Variants in TENM2 observed in about 807,000 individuals in gnomAD.
TENM2 encodes the protein teneurin-2.
Under a neutral mutation model 245.2 loss-of-function variants are expected in TENM2, and 52 were observed. The ratio of observed to expected loss-of-function variants is 0.21; its 90% CI spans 0.17 to 0.27. TENM2 has a LOEUF of 0.27. Among genes scored for constraint, TENM2 ranks in the 10% least tolerant of loss-of-function variants. The pLI, the probability that TENM2 is intolerant of heterozygous loss-of-function variation, is 1.00. For synonymous variants in TENM2, 1,363 were observed against 1,438.9 expected (o/e 0.95, Z 1.19); for missense variants, 3,046 against 3,666.8 (o/e 0.83, Z 4.37).
intron 2 of TENM2, among the ~76,000 whole-genome samples, chr5:167,688,685 G>T (rs1369589067): frequency 1.3e-5 from 2 of 152,174 alleles, no homozygotes; most frequent in African/African-American, 4.8e-5. Context: ...ATAAAATATT[G>T]CATTTTCTGT....
intron 1 of TENM2, among the ~76,000 whole-genome samples, chr5:167,355,237 T>C (rs1311940731): frequency 6.6e-6 from 1 of 152,106 alleles, no homozygotes; most frequent in Non-Finnish European, 1.5e-5. Context: ...GCAACTATTC[T>C]TGGGGAGACT....
intron 2 of TENM2, among the ~76,000 whole-genome samples, chr5:167,417,719 T>G (rs2127416648): frequency 6.6e-6 from 1 of 152,202 alleles, no homozygotes. Flanking sequence ...CCCACCAAAG[T>G]GAAGGTGTAA....
chr5:167,788,711 G>A (rs577639134), intron 2 of TENM2, among the ~76,000 whole-genome samples: 2 of 152,230 alleles, frequency 1.3e-5, no homozygotes, highest in African/African-American at 2.4e-5. Flanking sequence ...TGTCTCTCAC[G>A]CTCACTATGG....
chr5:167,223,591 A>T, the TENM2 span, among the ~76,000 whole-genome samples: 1 of 151,886 alleles, frequency 6.6e-6, no homozygotes, highest in Non-Finnish European at 1.5e-5. Context: ...CTATTTATCC[A>T]CTTATGGATA....
intron 2 of TENM2, among the ~76,000 whole-genome samples, chr5:167,839,912 G>A (rs886744192): frequency 1.1e-4 from 16 of 152,162 alleles, no homozygotes; most frequent in African/African-American, 2.9e-4. Flanking sequence ...CCGCCTCCCG[G>A]GTTCAAGCAA....
chr5:167,819,399 A>T (rs1036802979), intron 2 of TENM2, among the ~76,000 whole-genome samples: 8 of 152,340 alleles, frequency 5.3e-5, no homozygotes, highest in Non-Finnish European at 2.9e-5. Context: ...TGTTGAGAGA[A>T]GCAGGTGGCT....
chr5:167,457,993 A>AT (rs1228413832), intron 2 of TENM2, among the ~76,000 whole-genome samples: 4 of 151,652 alleles, frequency 2.6e-5, no homozygotes, highest in Non-Finnish European at 2.9e-5. Context: ...AGGCAACTTG[A>AT]TTTTTTTTTA....
the TENM2 span, among the ~76,000 whole-genome samples, chr5:167,107,095 A>C: frequency 1.4e-5 from 2 of 142,550 alleles, no homozygotes; most frequent in African/African-American, 3.0e-5. Context: ...AAAATACAAA[A>C]AAAAAAAAAA....
chr5:167,129,823 A>G, the TENM2 span, among the ~76,000 whole-genome samples: 1 of 152,186 alleles, frequency 6.6e-6, no homozygotes, highest in Non-Finnish European at 1.5e-5. Flanking sequence ...TAAGAAAAAA[A>G]TGACCACTCC....
At chr5:167,922,858 G>A (rs1179997998) in intron 3 of TENM2, among the ~76,000 whole-genome samples, 1 of 152,122 alleles carries the variant, frequency 6.6e-6, no homozygotes, top group African/African-American at 2.4e-5. Flanking sequence ...CTTGTTTATT[G>A]CTCCTCCTAG....
intron 12 of TENM2, among the ~76,000 whole-genome samples, chr5:168,154,146 T>TAAAAAAAAAAA (rs1562223601): frequency 1.3e-5 from 1 of 75,752 alleles, no homozygotes; most frequent in African/African-American, 6.0e-5. Context: ...ATCACCTACT[T>TAAAAAAAAAAA]TAAAAAAAAA....
intron 7 of TENM2, among the ~76,000 whole-genome samples, chr5:168,089,394 G>C (rs1162261551): frequency 6.6e-6 from 1 of 151,974 alleles, no homozygotes; most frequent in Non-Finnish European, 1.5e-5. Flanking sequence ...CATCACATCA[G>C]TCACTGCTCA....
intron 4 of TENM2, among the ~76,000 whole-genome samples, chr5:167,975,828 G>C (rs1007924393): frequency 1.0e-4 from 15 of 150,522 alleles, no homozygotes; most frequent in African/African-American, 3.7e-4. Flanking sequence ...TTTATTTGAG[G>C]GTTAAAAAAA....
At chr5:167,258,387 T>A in the TENM2 span, among the ~76,000 whole-genome samples, 1 of 152,148 alleles carries the variant, frequency 6.6e-6, no homozygotes, top group African/African-American at 2.4e-5. Context: ...TGGCTACTGA[T>A]GTCAGTCAGC....
At chr5:167,389,197 T>C (rs1761615595) in intron 2 of TENM2, among the ~76,000 whole-genome samples, 1 of 151,134 alleles carries the variant, frequency 6.6e-6, no homozygotes, top group South Asian at 2.1e-4. Context: ...GTATTAACTA[T>C]ATAACATAGA....
chr5:167,202,700 T>C, the TENM2 span, among the ~76,000 whole-genome samples: 1 of 152,006 alleles, frequency 6.6e-6, no homozygotes, highest in African/African-American at 2.4e-5. Flanking sequence ...AATCCTGAGA[T>C]CCATTACCCC....
intron 23 of TENM2, among the ~76,000 whole-genome samples, chr5:168,222,012 C>T (rs1051344448): frequency 6.6e-5 from 10 of 152,136 alleles, no homozygotes; most frequent in South Asian, 2.1e-4. Context: ...ATTAGCAAAG[C>T]GCTTGGCATA....
intron 4 of TENM2, among the ~76,000 whole-genome samples, chr5:167,956,969 G>A (rs567532981): frequency 6.6e-6 from 1 of 152,264 alleles, no homozygotes; most frequent in South Asian, 2.1e-4. Flanking sequence ...TTTGCTATCA[G>A]GATGATGCTG....
At chr5:168,077,234 T>C (rs1487575074) in intron 7 of TENM2, among the ~76,000 whole-genome samples, 1 of 152,164 alleles carries the variant, frequency 6.6e-6, no homozygotes, top group Non-Finnish European at 1.5e-5. Flanking sequence ...CAAAAGGCAT[T>C]TCCTGAAGAG....
Sources: gnomAD v4.1 joint callset for allele counts (sites outside exome capture counted in the v4.1 genomes callset) on GRCh38, gnomAD v4.1.1 for gene constraint, MANE v1.5 for transcripts, NCBI Gene and HGNC (gene_info 2026-07-23, HGNC 2026-07-21) for gene names.